Variants in DNAJC17 observed in about 807,000 individuals in gnomAD.
The protein encoded by DNAJC17 is DnaJ heat shock protein family (Hsp40) member C17, also known as dnaJ homolog subfamily C member 17.
In DNAJC17, 35 loss-of-function variants were observed where a neutral mutation model predicts 48.1. That is an observed-to-expected ratio of 0.73 (90% CI 0.56 to 0.96). DNAJC17 has a LOEUF of 0.96. Ranked by LOEUF, DNAJC17 falls within the 50% of genes least tolerant of loss-of-function variation. The probability of loss-of-function intolerance (pLI) is 0.00; values close to 1 mark genes in which losing one functional copy is unlikely to be tolerated. For synonymous variants in DNAJC17, 117 were observed against 142.7 expected, an observed-to-expected ratio of 0.82 and a Z score of 1.28; for missense variants, 355 against 377.1, an observed-to-expected ratio of 0.94 and a Z score of 0.48.
In DNAJC17 at chr15:40,775,072, CT is replaced by C; in HGVS notation, c.558del (p.Gly187ValfsTer56). 6.2e-7 allele frequency: 1 copy of C among 1,614,184 alleles called. No individual in the cohort carries two copies. Among genetic ancestry groups the C allele is most frequent in the Middle Eastern group, 1.6e-4 (1 of 6,062 alleles). ...AGGAGGACGTCTTTGGAGTAGCCAC[CT>C]TTTGACTCATCCTCCTTCTTGCACT... Reference protein sequence around the residue: ...KWKCKKEDESKGGYSKDVLLR... With the variant: ...KWKCKKEDESXGGYSKDVLLR... On this transcript the variant is annotated frameshift_variant, in exon 8 of 11. Transcript: ENST00000220496. LOFTEE classifies it high-confidence loss of function.
At chr15:40,792,035 G>A (rs1432025474) in intron 1 of DNAJC17, among the ~76,000 whole-genome samples, 1 of 152,132 alleles carries the variant, frequency 6.6e-6, no homozygotes, top group East Asian at 1.9e-4. Flanking sequence ...GGGCCTAGAG[G>A]CCCAAACACA....
chr15:40,768,004 G>C lies in DNAJC17; in HGVS notation c.851C>G (p.Ala284Gly), dbSNP rs1888997749. The C allele has an allele frequency of 6.2e-7, 1 of 1,603,818 alleles. No homozygotes were observed. Among genetic ancestry groups the C allele is most frequent in the Non-Finnish European group, 8.5e-7 (1 of 1,176,992 alleles). The change falls in exon 11 of 11, where the codon GCG (alanine) becomes GGG (glycine). Residue 284 changes from alanine to glycine, a missense_variant. Coordinates refer to ENST00000220496, the MANE Select transcript of DNAJC17 (RefSeq NM_018163.3). ...TGCGATCAGCTGTTGCCGCTCGGCC[G>C]CCTGGCGCATGCGCATCATGACGAG... ...ESLVMMRMRQ[A>G]AERQQLIARM...
chr15:40,774,214 C>CCCTGACT, intron 9 of DNAJC17, 142 bp downstream of exon 9: 1 of 930,874 alleles, frequency 1.1e-6, no homozygotes, highest in Non-Finnish European at 1.6e-6. Context: ...AGTCAGGGGC[C>CCCTGACT]CCTGGGAAGA....
intron 10 of DNAJC17, among the ~76,000 whole-genome samples, chr15:40,768,286 C>G (rs1217444552): frequency 2.0e-5 from 3 of 152,210 alleles, no homozygotes; most frequent in East Asian, 1.9e-4. Context: ...GCCAGCTCCC[C>G]CTCCCTTTCC....
chr15:40,780,622 T>TGGC, intron 1 of DNAJC17: 1 of 328,266 alleles, frequency 3.0e-6, no homozygotes, highest in South Asian at 2.4e-5. Context: ...GAGACCAGCC[T>TGGC]CACTAACATA....
rs1200309770 is a variant in DNAJC17, at chr15:40,779,235, T to C, written c.283A>G (p.Lys95Glu). Residue 95 changes from lysine to glutamate, a missense_variant, in exon 4 of 11, where the codon AAA becomes GAA. Lys to Glu is a moderately conservative substitution (Grantham distance 56, BLOSUM62 1). Transcript: ENST00000220496. ...TGATGGCACCTACCAAGCTTCACTT[T>C]CTTCCTTTTCTCATCAAGTTTCTGG... The part of the protein sequence containing the change: ...RTQKLDEKRK[K>E]VKLDLEARER... 2 of 1,614,062 alleles carry C rather than the reference T, an allele frequency of 1.2e-6. No homozygotes were observed. Among genetic ancestry groups the C allele is most frequent in the African/African-American group, 2.7e-5 (2 of 74,930 alleles).
intron 1 of DNAJC17, among the ~76,000 whole-genome samples, chr15:40,799,780 T>A (rs1890031619): frequency 6.6e-6 from 1 of 152,212 alleles, no homozygotes; most frequent in African/African-American, 2.4e-5. Flanking sequence ...TAACATTATC[T>A]GCACCACCAA....
intron 1 of DNAJC17, among the ~76,000 whole-genome samples, chr15:40,783,761 G>A (rs1030375925): frequency 6.6e-6 from 1 of 152,174 alleles, no homozygotes; most frequent in Non-Finnish European, 1.5e-5. Flanking sequence ...TATGGGGGAA[G>A]CTGAGGCAGA....
rs565691664 is a variant in DNAJC17 at position 40,798,545 on chromosome 15, A to G, written c.78+8824T>C. Among the ~76,000 whole-genome samples, 9 of 152,322 alleles carry G rather than the reference A, an allele frequency of 5.9e-5. No homozygotes were observed. The East Asian group carries it at 1.7e-3, about 29-fold the overall frequency. On this transcript the variant is annotated intron_variant, in intron 1 of 10. Transcript: ENST00000220496. The stretch of plus-strand genomic sequence containing the variant: ...CATTATTTATCACAATGTTGTAGGA[A>G]ATATCAGGAGGACTGATGTGGCTGG...
At chr15:40,790,097 T>C (rs1889757018) in intron 1 of DNAJC17, among the ~76,000 whole-genome samples, 1 of 152,070 alleles carries the variant, frequency 6.6e-6, no homozygotes, top group Non-Finnish European at 1.5e-5. Context: ...CTTAACACAG[T>C]TCCTTAAGCT....
At chr15:40,780,158 G>A (rs903212906) in intron 1 of DNAJC17, 161 bp from the exon 2 acceptor site, 1 of 730,304 alleles carries the variant, frequency 1.4e-6, no homozygotes, top group South Asian at 1.5e-5. Context: ...AGGAGGCCAA[G>A]GCCATGGAGG....
chr15:40,780,125 G>T, intron 1 of DNAJC17, 128 bp from the exon 2 acceptor site: 1 of 894,260 alleles, frequency 1.1e-6, no homozygotes, highest in Non-Finnish European at 1.8e-6. Flanking sequence ...CCACTTCCTA[G>T]CCACCAGGGA....
intron 1 of DNAJC17, chr15:40,807,119 G>A (rs1380708629): frequency 3.3e-6 from 3 of 913,212 alleles, no homozygotes; most frequent in African/African-American, 3.4e-5. Context: ...GCGGCCTCTA[G>A]GAGACAGGGG....
At chr15:40,768,094 A>G in intron 10 of DNAJC17, 32 bp from the exon 11 acceptor site, 1 of 1,512,300 alleles carries the variant, frequency 6.6e-7, no homozygotes, top group South Asian at 1.3e-5. Context: ...GGGAGGGGTC[A>G]GGGACAGCAG....
At chr15:40,778,514 G>A (rs1347886021) in intron 4 of DNAJC17, among the ~76,000 whole-genome samples, 2 of 151,802 alleles carry the variant, frequency 1.3e-5, no homozygotes, top group Non-Finnish European at 2.9e-5. Context: ...GCCTCCCAAA[G>A]TGCTGGGATT....
intron 1 of DNAJC17, among the ~76,000 whole-genome samples, chr15:40,804,109 G>A (rs1338272768): frequency 6.6e-6 from 1 of 151,226 alleles, no homozygotes; most frequent in African/African-American, 2.4e-5. Context: ...GGGGACTACA[G>A]GTGCGTAACA....
intron 8 of DNAJC17, 51 bp downstream of exon 8, chr15:40,774,980 C>A: frequency 6.3e-7 from 1 of 1,593,330 alleles, no homozygotes; most frequent in Non-Finnish European, 8.6e-7. Flanking sequence ...AGGGTGTGGA[C>A]TGAGACGTGG....
At chr15:40,779,751 G>A (rs1889429147) in intron 2 of DNAJC17, 148 bp from the exon 3 acceptor site, 1 of 1,090,778 alleles carries the variant, frequency 9.2e-7, no homozygotes, top group Non-Finnish European at 1.3e-6. Context: ...AAGGAGGGGT[G>A]AGCATATCAG....
chr15:40,774,253 C>A, intron 9 of DNAJC17, 103 bp downstream of exon 9: 1 of 1,322,980 alleles, frequency 7.6e-7, no homozygotes. Context: ...CCTGGAGATT[C>A]CCTAGGAGTG....
Sources: gnomAD v4.1 joint callset for allele counts (sites outside exome capture counted in the v4.1 genomes callset) on GRCh38, gnomAD v4.1.1 for gene constraint, MANE v1.5 for transcripts, NCBI Gene and HGNC (gene_info 2026-07-23, HGNC 2026-07-21) for gene names.